MTMR8: variants seen among roughly 807,000 people sequenced by gnomAD.
MTMR8 encodes myotubularin related protein 8.
Under a neutral mutation model 39.3 loss-of-function variants are expected in MTMR8, and 65 were observed. The ratio of observed to expected loss-of-function variants is 1.65; its 90% CI spans 1.35 to 2.03. The LOEUF (loss-of-function observed/expected upper bound fraction) is 2.03. Among genes scored for constraint, MTMR8 ranks in the 30% most tolerant of loss-of-function variants. The pLI, the probability that MTMR8 is intolerant of heterozygous loss-of-function variation, is 0.00. For synonymous variants in MTMR8, 245 were observed against 185.2 expected (o/e 1.32, Z -2.62); for missense variants, 777 against 538.9 (o/e 1.44, Z -4.37).
intron 12 of MTMR8, chrX:64,305,743 G>T: frequency 2.2e-6 from 1 of 463,593 alleles, no homozygotes; most frequent in South Asian, 2.9e-5. Context: ...AATGTATGAT[G>T]AATTAGAACA....
intron 4 of MTMR8, among the ~76,000 whole-genome samples, chrX:64,351,828 C>A (rs189483794): frequency 2.8e-4 from 31 of 111,120 alleles, no homozygotes; most frequent in Admixed American, 2.8e-3. Flanking sequence ...CTCATTCCAC[C>A]TTCTTCTGCC....
intron 12 of MTMR8, among the ~76,000 whole-genome samples, chrX:64,323,234 C>T (rs1922702277): frequency 8.9e-6 from 1 of 112,362 alleles, no homozygotes; most frequent in African/African-American, 3.2e-5. Flanking sequence ...AATGATATTC[C>T]ATGCAAATGG....
chrX:64,388,113 G>A (rs749685868), intron 1 of MTMR8, among the ~76,000 whole-genome samples: 49 of 111,802 alleles, frequency 4.4e-4, no homozygotes, highest in Admixed American at 3.6e-3. Context: ...GTACTTCAGA[G>A]GTCTCTGAAT....
intron 1 of MTMR8, among the ~76,000 whole-genome samples, chrX:64,393,731 C>T (rs1045164168): frequency 4.5e-5 from 5 of 111,641 alleles, no homozygotes; most frequent in African/African-American, 1.3e-4. Context: ...GGCTTTTACA[C>T]GGGATGTGGT....
At chrX:64,319,739 C>T (rs933930628) in intron 12 of MTMR8, among the ~76,000 whole-genome samples, 111 of 110,771 alleles carry the variant, frequency 1.0e-3, no homozygotes, top group Non-Finnish European at 1.7e-3. Context: ...TTTCTGAGGG[C>T]TCTGTTCTGT....
At chrX:64,285,167 G>T (rs1484402414) in intron 12 of MTMR8, among the ~76,000 whole-genome samples, 4 of 111,396 alleles carry the variant, frequency 3.6e-5, no homozygotes, top group Non-Finnish European at 7.5e-5. Flanking sequence ...GGCAGGGTTT[G>T]CAATCCTAGT....
At chrX:64,360,476 C>T (rs1923751108) in intron 1 of MTMR8, 1 of 183,131 alleles carries the variant, frequency 5.5e-6, no homozygotes, top group South Asian at 8.2e-5. Flanking sequence ...CAGAGTAGGA[C>T]TCTATATCCA....
At chrX:64,272,297 A>T (rs1029092808) in intron 12 of MTMR8, among the ~76,000 whole-genome samples, 4 of 112,132 alleles carry the variant, frequency 3.6e-5, no homozygotes, top group Non-Finnish European at 7.5e-5. Context: ...TCAGGAGAAC[A>T]ATCCATGAAC....
At chrX:64,357,105 C>T (rs753555170) in intron 2 of MTMR8, among the ~76,000 whole-genome samples, 1 of 111,898 alleles carries the variant, frequency 8.9e-6, no homozygotes, top group East Asian at 2.8e-4. Flanking sequence ...AAAATGTGTC[C>T]AAATAATATA....
At chrX:64,312,169 T>C (rs1370566061) in intron 12 of MTMR8, among the ~76,000 whole-genome samples, 1 of 111,699 alleles carries the variant, frequency 9.0e-6, no homozygotes, top group Non-Finnish European at 1.9e-5. Flanking sequence ...TTGTTCCTCT[T>C]TTATTTCGTT....
chrX:64,362,376 GA>G (rs1474785202), intron 1 of MTMR8, among the ~76,000 whole-genome samples: 2 of 99,134 alleles, frequency 2.0e-5, no homozygotes, highest in Non-Finnish European at 4.0e-5. Flanking sequence ...AAGTAAAGGG[GA>G]AAGATTTGCT....
chrX:64,364,361 C>T (rs1329955589), intron 1 of MTMR8, among the ~76,000 whole-genome samples: 4 of 111,687 alleles, frequency 3.6e-5, no homozygotes, highest in East Asian at 5.7e-4. Flanking sequence ...CTCATACAGG[C>T]GGGTGCCCCT....
chrX:64,288,763 C>G (rs1436135747), intron 12 of MTMR8, among the ~76,000 whole-genome samples: 1 of 110,315 alleles, frequency 9.1e-6, no homozygotes, highest in Non-Finnish European at 1.9e-5. Context: ...CAAACTATCG[C>G]AAGGACAAAA....
At chrX:64,308,007 A>C (rs1312032797) in intron 12 of MTMR8, among the ~76,000 whole-genome samples, 1 of 111,860 alleles carries the variant, frequency 8.9e-6, no homozygotes, top group Admixed American at 9.5e-5. Flanking sequence ...ATGAAGCACA[A>C]GTGATTTATG....
intron 8 of MTMR8, among the ~76,000 whole-genome samples, chrX:64,337,966 A>G (rs188915601): frequency 1.4e-3 from 156 of 112,018 alleles, no homozygotes; most frequent in African/African-American, 4.9e-3. Context: ...CATTCTAACA[A>G]TTTTGTGCCT....
Position 64,356,475 on chromosome X carries a change from T to G in MTMR8, c.148-137A>C, listed in dbSNP as rs1923629528. ...ATCTACAGCCTACAACCATTCTTTGTAAGACACAACTGGGGTTCTCTCAAA... is the reference window on the plus strand; with the variant it reads ...ATCTACAGCCTACAACCATTCTTTGGAAGACACAACTGGGGTTCTCTCAAA... On this transcript the variant is annotated intron_variant, in intron 2 of 13. Coordinates refer to ENST00000374852, the MANE Select transcript of MTMR8 (RefSeq NM_017677.4). The G allele has an allele frequency of 7.5e-6, 4 of 534,842 alleles. No homozygotes were observed. In the South Asian group the frequency reaches 1.2e-4, roughly 16 times the overall value. 44.1% of individuals were successfully genotyped at this position (534,842 alleles called of 1,213,427 possible). A position where few individuals can be genotyped will look rare whatever the true frequency, so the allele number is the denominator to read the frequency against.
chrX:64,308,841 C>T (rs1316633534), intron 12 of MTMR8, among the ~76,000 whole-genome samples: 2 of 111,148 alleles, frequency 1.8e-5, no homozygotes, highest in Admixed American at 9.6e-5. Context: ...TGTTCTGGCA[C>T]CATTGGTTAA....
At position 64,356,445 on chromosome X, in the gene MTMR8, G is replaced by A. The variant is rs140119603; in HGVS notation, c.148-107C>T. ...GGTAACAGCATGACCAGATCTGTAG[G>A]CTACATCTACAGCCTACAACCATTC... On this transcript the variant is annotated intron_variant, in intron 2 of 13. Coordinates refer to ENST00000374852, the MANE Select transcript of MTMR8 (RefSeq NM_017677.4). 1.9e-4 allele frequency: 129 copies of A among 695,911 alleles called. 1 individual carries two copies. In the African/African-American group the frequency reaches 2.4e-3, roughly 13 times the overall value. The allele number at this position is 695,911 out of a possible 1,213,427, so 57.4% of individuals were successfully genotyped here. A position where few individuals can be genotyped will look rare whatever the true frequency, so the allele number is the denominator to read the frequency against.
intron 1 of MTMR8, 73 bp from the exon 2 acceptor site, chrX:64,359,600 C>A: frequency 1.9e-6 from 2 of 1,037,318 alleles, no homozygotes; most frequent in Non-Finnish European, 2.6e-6. Flanking sequence ...CCATTCAAAG[C>A]AAGATAAACG....
Sources: gnomAD v4.1 joint callset for allele counts (sites outside exome capture counted in the v4.1 genomes callset) on GRCh38, gnomAD v4.1.1 for gene constraint, MANE v1.5 for transcripts, NCBI Gene and HGNC (gene_info 2026-07-23, HGNC 2026-07-21) for gene names.